The following EYA1 variants were observed in gnomAD, a reference collection of about 807,000 sequenced individuals.
The protein encoded by EYA1 is protein phosphatase EYA1.
A neutral mutation model predicts 82.0 loss-of-function variants in EYA1; 16 were observed. The ratio of observed to expected loss-of-function variants is 0.20; its 90% confidence interval spans 0.13 to 0.30. The LOEUF (loss-of-function observed/expected upper bound fraction) is 0.30, where lower values mean the gene tolerates loss of function less well. Among genes scored for constraint, EYA1 ranks in the 10% least tolerant of loss-of-function variants. The pLI, the probability that EYA1 is intolerant of heterozygous loss-of-function variation, is 1.00. For missense variants in EYA1, 633 were observed against 730.7 expected (o/e 0.87, Z 1.54); for synonymous variants, 261 against 264.4 (o/e 0.99, Z 0.12).
chr8:71,362,261 C>G (rs1827472515), upstream of EYA1: 1 of 923,016 alleles, frequency 1.1e-6, no homozygotes, highest in South Asian at 5.2e-5. Flanking sequence ...GAGCACTGCT[C>G]TGTCTGACTC....
intron 1 of EYA1, among the ~76,000 whole-genome samples, chr8:71,359,320 A>T (rs1300940827): frequency 6.6e-6 from 1 of 152,150 alleles, no homozygotes; most frequent in Non-Finnish European, 1.5e-5. Flanking sequence ...AACCTCACAT[A>T]GTACTTCGCC....
At chr8:71,450,222 C>A (rs956277773) in intron 2 of EYA1, among the ~76,000 whole-genome samples, 1 of 152,198 alleles carries the variant, frequency 6.6e-6, no homozygotes, top group African/African-American at 2.4e-5. Context: ...GCACAAGAGG[C>A]CTACTTTTGG....
intron 1 of EYA1, among the ~76,000 whole-genome samples, chr8:71,545,413 A>G (rs2129294875): frequency 6.6e-6 from 1 of 152,296 alleles, no homozygotes; most frequent in Non-Finnish European, 1.5e-5. Flanking sequence ...CAGGCATTGC[A>G]TTTCAGGTTA....
chr8:71,237,293 G>A lies in EYA1; in HGVS notation c.1140+7310C>T, dbSNP rs183008495. Among the ~76,000 whole-genome samples, 360 of 152,074 alleles carry A rather than the reference G, an allele frequency of 2.4e-3. 1 individual carries two copies. Among genetic ancestry groups the A allele is most frequent in the Non-Finnish European group, 2.6e-3 (177 of 67,982 alleles). On this transcript the variant is annotated intron_variant, in intron 12 of 17. Transcript: ENST00000340726. ...TCTCAAACTCCTGACCTCGTGATCC[G>A]CCCTGATTGATTATTAGAAGTGAAA...
Position 71,347,904 on chromosome 8 carries a change from A to C in EYA1, c.124+6878T>G, listed in dbSNP as rs1825908092. Among the ~76,000 whole-genome samples the C allele has an allele frequency of 7.3e-5, 11 of 150,658 alleles. No homozygotes were observed. In the South Asian group the frequency reaches 2.3e-3, roughly 31 times the overall value. ...GGCATGCAAAAAAAAAAAAAAAAAA[A>C]AAACCCCAAATCTGTAAAACTAGCA... On this transcript the variant is annotated intron_variant, in intron 3 of 17. Coordinates refer to ENST00000340726, the MANE Select transcript of EYA1 (RefSeq NM_000503.6).
chr8:71,289,218 G>C (rs1818739781), intron 9 of EYA1, among the ~76,000 whole-genome samples: 1 of 152,164 alleles, frequency 6.6e-6, no homozygotes, highest in Non-Finnish European at 1.5e-5. Flanking sequence ...AGGATACAGG[G>C]GAAGCACGGA....
rs1401561852 is a variant in EYA1, at chr8:71,361,627, AAC to A, written c.-55+18_-55+19del. The A allele has an allele frequency of 2.0e-6, 2 of 981,308 alleles. No homozygotes were observed. Among genetic ancestry groups the A allele is most frequent in the African/African-American group, 3.5e-5 (2 of 57,170 alleles). 60.8% of individuals were successfully genotyped at this position (981,308 alleles called of 1,614,324 possible). On this transcript the variant is annotated intron_variant, in intron 1 of 17. Transcript: ENST00000340726. ...TGTTGTCAGTCACTACAATTTTTCAAACAGTCAGCTTGTACTTACAGCGCTTA... is the reference window on the plus strand; with the variant it reads ...TGTTGTCAGTCACTACAATTTTTCAAAGTCAGCTTGTACTTACAGCGCTTA...
At chr8:71,273,178 T>C (rs1342154531) in intron 9 of EYA1, among the ~76,000 whole-genome samples, 1 of 152,230 alleles carries the variant, frequency 6.6e-6, no homozygotes, top group Non-Finnish European at 1.5e-5. Context: ...TTCCTATTAC[T>C]TATAGAAAAC....
At chr8:71,417,223 C>A (rs2129145828) in intron 2 of EYA1, among the ~76,000 whole-genome samples, 1 of 152,296 alleles carries the variant, frequency 6.6e-6, no homozygotes, top group African/African-American at 2.4e-5. Flanking sequence ...TTAATAAATT[C>A]CCCTTTATAT....
At chr8:71,389,745 T>C (rs891063878) in intron 2 of EYA1, among the ~76,000 whole-genome samples, 2 of 152,216 alleles carry the variant, frequency 1.3e-5, no homozygotes, top group African/African-American at 2.4e-5. Context: ...TCATAACCTA[T>C]TGGTCTCCAG....
chr8:71,205,434 T>G (rs1228459995), intron 17 of EYA1, among the ~76,000 whole-genome samples: 1 of 151,994 alleles, frequency 6.6e-6, no homozygotes, highest in Admixed American at 6.6e-5. Context: ...AAAGAACAAC[T>G]GGTGGATTTT....
intron 11 of EYA1, among the ~76,000 whole-genome samples, chr8:71,247,963 A>T (rs1813306762): frequency 6.6e-6 from 1 of 152,276 alleles, no homozygotes; most frequent in South Asian, 2.1e-4. Flanking sequence ...GTTACTTTTG[A>T]AAAAGTATTA....
At chr8:71,479,122 C>T (rs1236611292) in intron 2 of EYA1, among the ~76,000 whole-genome samples, 2 of 152,142 alleles carry the variant, frequency 1.3e-5, no homozygotes, top group Admixed American at 1.3e-4. Flanking sequence ...TCTGACCTCA[C>T]CTCCAACTTT....
chr8:71,288,542 G>A (rs922739037), intron 9 of EYA1, among the ~76,000 whole-genome samples: 1 of 152,158 alleles, frequency 6.6e-6, no homozygotes, highest in Non-Finnish European at 1.5e-5. Flanking sequence ...CTATACAGTC[G>A]ATGCTAAACG....
intron 2 of EYA1, among the ~76,000 whole-genome samples, chr8:71,518,438 C>T (rs529724768): frequency 1.3e-5 from 2 of 152,190 alleles, no homozygotes; most frequent in East Asian, 1.9e-4. Flanking sequence ...AACTTGAAGA[C>T]GATGTAAAGG....
intron 2 of EYA1, among the ~76,000 whole-genome samples, chr8:71,447,798 C>T (rs1446593358): frequency 2.0e-5 from 3 of 152,062 alleles, no homozygotes; most frequent in African/African-American, 7.2e-5. Flanking sequence ...CTAAAAAGTG[C>T]AAATAACTAT....
At chr8:71,456,426 CA>C (rs1295693881) in intron 2 of EYA1, among the ~76,000 whole-genome samples, 1 of 151,906 alleles carries the variant, frequency 6.6e-6, no homozygotes, top group African/African-American at 2.4e-5. Flanking sequence ...CATATGGAAC[CA>C]AAAAAGAGTC....
At chr8:71,239,832 A>T (rs115855583) in intron 12 of EYA1, among the ~76,000 whole-genome samples, 2,027 of 152,332 alleles carry the variant, frequency 0.013, 37 homozygotes, top group African/African-American at 0.047. Context: ...TATAGAGAAT[A>T]AAGGACTTTC....
rs188463639 is a variant in EYA1 at position 71,499,366 on chromosome 8, A to G, written c.33+36378T>C. On this transcript the variant is annotated intron_variant, in intron 2 of 18. Coordinates refer to the EYA1 transcript ENST00000643681. ...TGCCAGATATTTTCGTAAATGCCTG[A>G]AATTTATGCCTGTGAAGTAGTACAA... 2.4e-4 allele frequency among the ~76,000 whole-genome samples: 37 copies of G among 152,336 alleles called. No homozygotes were observed. The East Asian group carries it at 7.1e-3, about 29-fold the overall frequency.
Sources: gnomAD v4.1 joint callset for allele counts (sites outside exome capture counted in the v4.1 genomes callset) on GRCh38, gnomAD v4.1.1 for gene constraint, MANE v1.5 for transcripts, NCBI Gene and HGNC (gene_info 2026-07-23, HGNC 2026-07-21) for gene names.